Variants in CDH18 observed in about 807,000 individuals in gnomAD.
The protein encoded by CDH18 is cadherin 18.
A neutral mutation model predicts 67.9 loss-of-function variants in CDH18; 31 were observed. The observed-to-expected ratio is 0.46, with a 90% CI of 0.34 to 0.62. CDH18 has a LOEUF of 0.62. Ranked by LOEUF, CDH18 falls within the 20% of genes least tolerant of loss-of-function variation. The pLI is 0.01. For synonymous variants in CDH18, 362 were observed against 347.2 expected (o/e 1.04, Z -0.48); for missense variants, 890 against 975.5 (o/e 0.91, Z 1.17).
At chr5:20,419,622 C>T (rs970148850) in intron 1 of CDH18, among the ~76,000 whole-genome samples, 2 of 144,260 alleles carry the variant, frequency 1.4e-5, no homozygotes, top group Admixed American at 1.3e-4. Context: ...GGACTACAGG[C>T]GCCCGCCACG....
intron 1 of CDH18, among the ~76,000 whole-genome samples, chr5:20,455,878 G>A (rs1294601114): frequency 6.6e-6 from 1 of 151,932 alleles, no homozygotes; most frequent in East Asian, 1.9e-4. Context: ...TTATTCCTGT[G>A]ATGATACAGC....
At chr5:20,500,666 T>C (rs745367029) in intron 1 of CDH18, among the ~76,000 whole-genome samples, 1 of 152,172 alleles carries the variant, frequency 6.6e-6, no homozygotes, top group African/African-American at 2.4e-5. Context: ...TAGGTAAATA[T>C]CTTAGCACAG....
intron 1 of CDH18, among the ~76,000 whole-genome samples, chr5:20,351,138 G>T (rs1381991652): frequency 6.9e-6 from 1 of 145,856 alleles, no homozygotes; most frequent in Non-Finnish European, 1.5e-5. Flanking sequence ...ACATTTACCT[G>T]CTCCAAACAT....
intron 11 of CDH18, among the ~76,000 whole-genome samples, chr5:19,495,420 A>G (rs927524903): frequency 3.9e-5 from 6 of 152,100 alleles, no homozygotes; most frequent in African/African-American, 1.4e-4. Flanking sequence ...TTCTCCCACT[A>G]AAAACAAAGA....
At position 19,913,834 on chromosome 5, in the gene CDH18, A is replaced by G. The variant is rs148959738; in HGVS notation, c.-257+67226T>C. On this transcript the variant is annotated intron_variant, in intron 2 of 12. Transcript: ENST00000382275. The stretch of plus-strand genomic sequence containing the variant: ...CCATTGAGAACTCTTCTGTTCCTCA[A>G]TTAGGCTAGGAAGGTGCAGATTTAG... 3.0e-3 allele frequency among the ~76,000 whole-genome samples: 452 copies of G among 152,252 alleles called. 2 individuals are homozygous for G. The highest frequency in any genetic ancestry group is 0.01 in the African/African-American group (427 of 41,556).
At chr5:20,033,543 A>C (rs2150456809) in intron 2 of CDH18, among the ~76,000 whole-genome samples, 1 of 152,208 alleles carries the variant, frequency 6.6e-6, no homozygotes, top group South Asian at 2.1e-4. Flanking sequence ...TTCTGTAATC[A>C]TTTCTGCCTA....
At chr5:19,679,641 T>C (rs974291031) in intron 5 of CDH18, among the ~76,000 whole-genome samples, 4 of 151,830 alleles carry the variant, frequency 2.6e-5, no homozygotes, top group African/African-American at 7.2e-5. Context: ...TTTCTATATA[T>C]CAATTATGTT....
chr5:19,561,787 C>G (rs562583241), intron 8 of CDH18, among the ~76,000 whole-genome samples: 3 of 152,116 alleles, frequency 2.0e-5, no homozygotes, highest in Admixed American at 6.6e-5. Context: ...GACCATTCAG[C>G]CTTCAAAGTC....
chr5:20,396,984 G>A (rs530873864), intron 1 of CDH18, among the ~76,000 whole-genome samples: 150 of 152,260 alleles, frequency 9.9e-4, no homozygotes, highest in African/African-American at 3.4e-3. Flanking sequence ...CTGGGCACCA[G>A]TCAATAACAA....
chr5:19,863,087 T>C (rs1056085864), intron 2 of CDH18, among the ~76,000 whole-genome samples: 1 of 152,086 alleles, frequency 6.6e-6, no homozygotes, highest in African/African-American at 2.4e-5. Flanking sequence ...TGAATAAATT[T>C]AGTGGGCTCC....
intron 1 of CDH18, among the ~76,000 whole-genome samples, chr5:20,333,378 G>A (rs894940028): frequency 1.3e-4 from 20 of 151,466 alleles, no homozygotes; most frequent in African/African-American, 1.5e-4. Flanking sequence ...ATGGTGGCGC[G>A]TGCCTGTAAT....
intron 5 of CDH18, among the ~76,000 whole-genome samples, chr5:19,709,208 A>T (rs1764376683): frequency 6.6e-6 from 1 of 152,012 alleles, no homozygotes; most frequent in Admixed American, 6.6e-5. Context: ...TGTGGAGGAA[A>T]GGGTTTGGGG....
chr5:19,633,682 T>G (rs1465164179), intron 5 of CDH18, among the ~76,000 whole-genome samples: 1 of 151,936 alleles, frequency 6.6e-6, no homozygotes, highest in African/African-American at 2.4e-5. Context: ...CAGGCTGGAG[T>G]GCAGTGGTGC....
chr5:19,808,317 AC>A lies in CDH18; in HGVS notation c.228+30441del, dbSNP rs1424961890. 7.9e-4 allele frequency among the ~76,000 whole-genome samples: 116 copies of A among 146,976 alleles called. 1 individual carries two copies. The highest frequency in any genetic ancestry group is 1.3e-3 in the Non-Finnish European group (88 of 67,484). On this transcript the variant is annotated intron_variant, in intron 3 of 12. Transcript: ENST00000382275. ...GAAAAAATAAAACAAAACAACAACA[AC>A]AAAAAAAAAACAAAAATAAAACTGA...
At chr5:20,437,201 G>T (rs747946782) in intron 1 of CDH18, among the ~76,000 whole-genome samples, 5 of 150,968 alleles carry the variant, frequency 3.3e-5, no homozygotes, top group Non-Finnish European at 4.4e-5. Context: ...ATATAATGAA[G>T]ACTTTTTGTT....
chr5:20,538,896 C>CTT (rs775628726), intron 1 of CDH18, among the ~76,000 whole-genome samples: 14 of 69,116 alleles, frequency 2.0e-4, no homozygotes, highest in South Asian at 1.2e-3. Context: ...ACATAGCCAA[C>CTT]TGTTTTTTTT....
intron 2 of CDH18, among the ~76,000 whole-genome samples, chr5:20,189,285 T>G (rs1454291942): frequency 6.6e-6 from 1 of 152,224 alleles, no homozygotes; most frequent in East Asian, 1.9e-4. Context: ...TTTCTGATAT[T>G]TACTAATACC....
intron 1 of CDH18, among the ~76,000 whole-genome samples, chr5:20,522,726 C>G (rs1253068121): frequency 1.3e-5 from 2 of 152,144 alleles, no homozygotes; most frequent in Non-Finnish European, 2.9e-5. Flanking sequence ...AAAACCCTCT[C>G]TGAACATATG....
chr5:19,775,889 T>C (rs1451956175), intron 3 of CDH18, among the ~76,000 whole-genome samples: 1 of 152,134 alleles, frequency 6.6e-6, no homozygotes, highest in African/African-American at 2.4e-5. Flanking sequence ...AAGCTAGAGT[T>C]CATAAATTTT....
Sources: gnomAD v4.1 joint callset for allele counts (sites outside exome capture counted in the v4.1 genomes callset) on GRCh38, gnomAD v4.1.1 for gene constraint, MANE v1.5 for transcripts, NCBI Gene and HGNC (gene_info 2026-07-23, HGNC 2026-07-21) for gene names.